Variants in TET3 observed in about 807,000 individuals in gnomAD.
TET3 encodes the protein tet methylcytosine dioxygenase 3.
In TET3, 19 loss-of-function variants were observed where a neutral mutation model predicts 141.4. The observed-to-expected ratio is 0.13, with a 90% CI of 0.09 to 0.20. The LOEUF is 0.20. TET3 is among the 10% of genes least tolerant of loss of function. The pLI is 1.00. For missense variants in TET3, 1,874 were observed against 2,356.9 expected, an observed-to-expected ratio of 0.80 and a Z score of 4.24; for synonymous variants, 1,043 against 980.9, an observed-to-expected ratio of 1.06 and a Z score of -1.18.
Position 74,097,195 on chromosome 2 carries a change from GCACACACA to G in TET3, c.3268-2052_3268-2045del, listed in dbSNP as rs146612512. Among the ~76,000 whole-genome samples the G allele has an allele frequency of 7.9e-3, 1,093 of 138,026 alleles. 8 individuals are homozygous for G. Among genetic ancestry groups the G allele is most frequent in the South Asian group, 0.024 (99 of 4,068 alleles). 90.6% of individuals were successfully genotyped at this position (138,026 alleles called of 152,430 possible). On this transcript the variant is annotated intron_variant, in intron 10 of 11. Transcript: ENST00000409262. The stretch of plus-strand genomic sequence containing the variant: ...TTTGTAGTTTTATATAGCCATACAT[GCACACACA>G]CACACACACACACACACACACACAC...
intron 10 of TET3, among the ~76,000 whole-genome samples, chr2:74,097,637 GT>G (rs1558791837): frequency 6.6e-6 from 1 of 152,172 alleles, no homozygotes; most frequent in Non-Finnish European, 1.5e-5. Context: ...CTTTAGTGGG[GT>G]TTTGCAGGGA....
chr2:73,991,938 G>A (rs1170739000), intron 2 of TET3, among the ~76,000 whole-genome samples: 5 of 152,070 alleles, frequency 3.3e-5, no homozygotes, highest in Admixed American at 6.5e-5. Flanking sequence ...GTTCTCTAGT[G>A]AGTGAGGGGG....
chr2:73,986,450 G>A lies in TET3; in HGVS notation c.47G>A (p.Gly16Asp). Reference protein sequence around the residue: ...VPLAVQPDLPGLYDFPQRQVM... With the variant: ...VPLAVQPDLPDLYDFPQRQVM... ...CTGGCCGTCCAGCCGGACCTGCCAG[G>A]CCTTTATGACTTCCCTCAGCGCCAG... Residue 16 changes from glycine to aspartate, a missense_variant, in exon 2 of 12, where the codon GGC (glycine) becomes GAC (aspartate). This residue lies in a region of TET3 where 366 missense variants were observed against 487.0 expected (regional missense o/e 0.75). Transcript: ENST00000409262. 8.1e-7 allele frequency: 1 copy of A among 1,232,304 alleles called. No homozygotes were observed. Among genetic ancestry groups the A allele is most frequent in the Non-Finnish European group, 1.0e-6 (1 of 988,108 alleles). The allele number at this position is 1,232,304 out of a possible 1,614,324, so 76.3% of individuals were successfully genotyped here. A position where few individuals can be genotyped will look rare whatever the true frequency, so the allele number is the denominator to read the frequency against.
chr2:74,127,126 T>A, the TET3 span, among the ~76,000 whole-genome samples: 1 of 152,306 alleles, frequency 6.6e-6, no homozygotes, highest in Non-Finnish European at 1.5e-5. Flanking sequence ...TGCCTCTACA[T>A]TCATTATTGG....
At chr2:74,030,015 A>G (rs1286005881) in intron 3 of TET3, among the ~76,000 whole-genome samples, 1 of 152,220 alleles carries the variant, frequency 6.6e-6, no homozygotes, top group Non-Finnish European at 1.5e-5. Flanking sequence ...CTTGCCTTTG[A>G]ATAGGATCTA....
chr2:74,097,076 A>C (rs1295964403), intron 10 of TET3, among the ~76,000 whole-genome samples: 1 of 151,234 alleles, frequency 6.6e-6, no homozygotes, highest in African/African-American at 2.4e-5. Flanking sequence ...TGGGCAATAG[A>C]GTAAGACCTT....
chr2:74,048,469 G>A (rs1391847846), intron 4 of TET3, 58 bp downstream of exon 4: 29 of 1,502,506 alleles, frequency 1.9e-5, no homozygotes, highest in Non-Finnish European at 2.1e-5. Context: ...TGGTGAGCTA[G>A]GATTTCTAGG....
intron 5 of TET3, among the ~76,000 whole-genome samples, chr2:74,074,484 G>C (rs1443493855): frequency 6.6e-6 from 1 of 152,230 alleles, no homozygotes; most frequent in Non-Finnish European, 1.5e-5. Context: ...TTTTTGAGCA[G>C]TTCATGCAGA....
At chr2:74,009,499 A>G (rs541755193) in intron 3 of TET3, among the ~76,000 whole-genome samples, 2 of 152,212 alleles carry the variant, frequency 1.3e-5, no homozygotes, top group Non-Finnish European at 2.9e-5. Flanking sequence ...CCTTCACCAC[A>G]TGGATCATTA....
chr2:73,990,390 A>C (rs1243606911), intron 2 of TET3, among the ~76,000 whole-genome samples: 1 of 152,036 alleles, frequency 6.6e-6, no homozygotes, highest in Non-Finnish European at 1.5e-5. Flanking sequence ...CAAGGCATTC[A>C]CCTCACTTGC....
chr2:74,112,351 T>G (rs948882281), downstream of TET3, among the ~76,000 whole-genome samples: 2 of 152,164 alleles, frequency 1.3e-5, no homozygotes, highest in Non-Finnish European at 2.9e-5. Context: ...CCCACTCCTT[T>G]TATTTACTTA....
chr2:74,054,626 G>C (rs910745087), intron 4 of TET3, among the ~76,000 whole-genome samples: 1 of 138,148 alleles, frequency 7.2e-6, no homozygotes, highest in South Asian at 2.3e-4. Context: ...AGAAGCCCCA[G>C]AATGGAAGTT....
intron 3 of TET3, among the ~76,000 whole-genome samples, chr2:74,034,666 T>C (rs1019415734): frequency 1.4e-4 from 21 of 151,990 alleles, no homozygotes; most frequent in African/African-American, 4.8e-4. Flanking sequence ...TAATATTCCA[T>C]TGTCCATTCT....
intron 6 of TET3, among the ~76,000 whole-genome samples, chr2:74,084,554 G>A (rs965246302): frequency 4.6e-5 from 7 of 151,670 alleles, no homozygotes; most frequent in Admixed American, 6.6e-5. Flanking sequence ...CTGGGTTCAC[G>A]CCATTCTCCT....
intron 3 of TET3, among the ~76,000 whole-genome samples, chr2:74,030,984 G>C (rs528412422): frequency 2.7e-5 from 4 of 150,470 alleles, no homozygotes; most frequent in African/African-American, 7.5e-5. Flanking sequence ...AGGGATGTCC[G>C]GGGGGGAGTT....
Position 74,104,398 on chromosome 2 carries a change from G to A in TET3, c.*2222G>A, listed in dbSNP as rs962219479. 2.0e-5 allele frequency: 3 copies of A among 152,194 alleles called. No individual in the cohort carries two copies. Among genetic ancestry groups the A allele is most frequent in the African/African-American group, 7.2e-5 (3 of 41,444 alleles). The allele number at this position is 152,194 out of a possible 1,614,324, so 9.4% of individuals were successfully genotyped here. A position where few individuals can be genotyped will look rare whatever the true frequency, so the allele number is the denominator to read the frequency against. The stretch of plus-strand genomic sequence containing the variant: ...AGCTAAAGGAAGCAGAGTCTTTAAT[G>A]AGCATGCTAATTTTCTAGTTTTGAG... On this transcript the variant is annotated 3_prime_UTR_variant, in exon 12 of 12. Transcript: ENST00000409262.
chr2:74,074,346 T>A (rs867672740), intron 5 of TET3, among the ~76,000 whole-genome samples: 4 of 152,258 alleles, frequency 2.6e-5, no homozygotes, highest in Non-Finnish European at 5.9e-5. Flanking sequence ...GCTGCTTATG[T>A]AGAAAGAGCT....
chr2:74,073,290 T>C (rs1365845019), intron 4 of TET3, among the ~76,000 whole-genome samples: 4 of 152,234 alleles, frequency 2.6e-5, no homozygotes, highest in Admixed American at 1.3e-4. Flanking sequence ...AGTGCTTAGA[T>C]CACAGCTTTG....
At chr2:73,984,890 C>CGCGGTGCGCGGGGGGCGGG (rs987929030), upstream of TET3, among the ~76,000 whole-genome samples, 1 of 147,178 alleles carries the variant, frequency 6.8e-6, no homozygotes, top group Non-Finnish European at 1.5e-5. This position sits in a 1 kb window ranked among gnomAD's most constrained non-coding sequence, Gnocchi z 5.6. Context: ...GAGCACGTGC[C>CGCGGTGCGCGGGGGGCGGG]GCGGTGCGCG....
Sources: gnomAD v4.1 joint callset for allele counts (sites outside exome capture counted in the v4.1 genomes callset) on GRCh38, gnomAD v4.1.1 for gene constraint, gnomAD v4.1.1 regional missense constraint, Gnocchi (gnomAD v3.1) non-coding constraint, MANE v1.5 for transcripts, NCBI Gene and HGNC (gene_info 2026-07-23, HGNC 2026-07-21) for gene names.